Variants in COL19A1 observed in about 807,000 individuals in gnomAD.
COL19A1 encodes collagen type XIX alpha 1 chain.
In COL19A1, 159 loss-of-function variants were observed where a neutral mutation model predicts 190.2. The observed-to-expected ratio is 0.84, with a 90% CI of 0.73 to 0.95. The LOEUF (loss-of-function observed/expected upper bound fraction) is 0.95, where lower values mean the gene tolerates loss of function less well. Ranked by LOEUF, COL19A1 falls within the 40% of genes least tolerant of loss-of-function variation. COL19A1 has a pLI of 0.00. For synonymous variants in COL19A1, 509 were observed against 458.9 expected (o/e 1.11, Z -1.39); for missense variants, 1,418 against 1,431.9 (o/e 0.99, Z 0.16).
At chr6:69,902,852 T>A (rs1313164523) in intron 4 of COL19A1, among the ~76,000 whole-genome samples, 1 of 152,194 alleles carries the variant, frequency 6.6e-6, no homozygotes. Flanking sequence ...TAGCCAACCA[T>A]CTACGGTGAG....
At chr6:69,988,928 T>C (rs1321035793) in intron 11 of COL19A1, among the ~76,000 whole-genome samples, 1 of 152,222 alleles carries the variant, frequency 6.6e-6, no homozygotes, top group Non-Finnish European at 1.5e-5. Context: ...TTCCTGCATT[T>C]GCTCTTTTCT....
intron 15 of COL19A1, among the ~76,000 whole-genome samples, chr6:70,093,666 A>C (rs1286716966): frequency 6.6e-6 from 1 of 152,192 alleles, no homozygotes; most frequent in Non-Finnish European, 1.5e-5. Context: ...AGAAGCTCAA[A>C]AATTATAACA....
chr6:70,009,017 G>A (rs537312897), intron 11 of COL19A1, among the ~76,000 whole-genome samples: 5 of 151,948 alleles, frequency 3.3e-5, no homozygotes, highest in African/African-American at 9.7e-5. Flanking sequence ...ACTCTGATAA[G>A]AGGGATTTGT....
At chr6:70,031,686 C>T (rs1019582002) in intron 12 of COL19A1, among the ~76,000 whole-genome samples, 1 of 152,124 alleles carries the variant, frequency 6.6e-6, no homozygotes, top group African/African-American at 2.4e-5. Flanking sequence ...ATATATAACA[C>T]CTTTTCTTTA....
chr6:70,104,386 G>A (rs1251228394), intron 16 of COL19A1, among the ~76,000 whole-genome samples: 1 of 152,162 alleles, frequency 6.6e-6, no homozygotes, highest in Non-Finnish European at 1.5e-5. Context: ...CATGGCAGCA[G>A]GAAAGAGCGA....
intron 12 of COL19A1, among the ~76,000 whole-genome samples, chr6:70,025,381 T>A (rs1778679783): frequency 6.6e-6 from 1 of 152,226 alleles, no homozygotes; most frequent in African/African-American, 2.4e-5. Context: ...TATGATTTTA[T>A]GCAAAGAGTT....
intron 1 of COL19A1, among the ~76,000 whole-genome samples, chr6:69,871,213 C>A (rs1767802492): frequency 6.6e-6 from 1 of 152,132 alleles, no homozygotes; most frequent in South Asian, 2.1e-4. Context: ...AGCTGGTTTT[C>A]TCTAATAGTT....
chr6:70,114,402 A>C lies in COL19A1; in HGVS notation c.1279-7478A>C, dbSNP rs553994613. 2.0e-5 allele frequency among the ~76,000 whole-genome samples: 3 copies of C among 152,290 alleles called. No individual in the cohort carries two copies. The South Asian group carries it at 6.2e-4, about 32-fold the overall frequency. ...AGTTGAAACCTAGCTCTTGTCTACT[A>C]TTTATATGACCTTGAGTCAGATATT... is the stretch of plus-strand genomic sequence containing the variant. On this transcript the variant is annotated intron_variant, in intron 16 of 50. Coordinates refer to ENST00000620364, the MANE Select transcript of COL19A1 (RefSeq NM_001858.6).
chr6:69,929,761 T>A (rs1772634080), intron 6 of COL19A1, 61 bp downstream of exon 6: 2 of 1,445,874 alleles, frequency 1.4e-6, no homozygotes, highest in Non-Finnish European at 1.9e-6. Context: ...AAAAATCTTA[T>A]TAAAAACATT....
intron 12 of COL19A1, among the ~76,000 whole-genome samples, chr6:70,025,805 G>A (rs922993940): frequency 4.6e-5 from 7 of 152,210 alleles, no homozygotes; most frequent in African/African-American, 1.2e-4. Context: ...TAAAATATAA[G>A]TAATTAGAGT....
chr6:70,067,704 G>C (rs573907132), intron 14 of COL19A1, among the ~76,000 whole-genome samples: 1 of 152,186 alleles, frequency 6.6e-6, no homozygotes, highest in Admixed American at 6.6e-5. Flanking sequence ...TTTAATGGTT[G>C]ATTAGGGAAG....
intron 4 of COL19A1, among the ~76,000 whole-genome samples, chr6:69,917,645 G>A (rs1007095823): frequency 6.6e-6 from 1 of 152,106 alleles, no homozygotes; most frequent in Non-Finnish European, 1.5e-5. Context: ...TGGTGACTAG[G>A]GTGAGGACAA....
intron 48 of COL19A1, among the ~76,000 whole-genome samples, chr6:70,195,147 A>G (rs1488640247): frequency 6.8e-6 from 1 of 147,342 alleles, no homozygotes; most frequent in African/African-American, 2.5e-5. Context: ...ATATATATAT[A>G]TATATATATA....
At chr6:69,953,270 A>G (rs1562029967) in intron 9 of COL19A1, among the ~76,000 whole-genome samples, 1 of 152,008 alleles carries the variant, frequency 6.6e-6, no homozygotes, top group African/African-American at 2.4e-5. Context: ...TATCTGTGTA[A>G]TTTAGAAAAT....
At chr6:69,891,140 C>T (rs182174796) in intron 2 of COL19A1, 25 of 168,378 alleles carry the variant, frequency 1.5e-4, no homozygotes, top group Admixed American at 2.8e-4. Flanking sequence ...ATAAGGACAG[C>T]TCAAAAATTC....
At chr6:70,152,934 C>G (rs1787164855) in intron 31 of COL19A1, among the ~76,000 whole-genome samples, 1 of 152,120 alleles carries the variant, frequency 6.6e-6, no homozygotes, top group Non-Finnish European at 1.5e-5. Context: ...TGAATAGGCT[C>G]TGACGGGAAG....
At chr6:70,044,952 A>C (rs1779827497) in intron 14 of COL19A1, among the ~76,000 whole-genome samples, 1 of 151,944 alleles carries the variant, frequency 6.6e-6, no homozygotes, top group South Asian at 2.1e-4. Context: ...CTCTGCTGTT[A>C]TTTCCTATCT....
chr6:70,126,287 C>A (rs749117861), intron 17 of COL19A1, among the ~76,000 whole-genome samples: 6 of 152,106 alleles, frequency 3.9e-5, no homozygotes, highest in African/African-American at 1.4e-4. Flanking sequence ...CAAGGCCTTT[C>A]CAAGCAGTGA....
intron 36 of COL19A1, among the ~76,000 whole-genome samples, 155 bp downstream of exon 36, chr6:70,163,551 A>C (rs915000790): frequency 2.0e-5 from 3 of 152,222 alleles, no homozygotes; most frequent in African/African-American, 7.2e-5. Flanking sequence ...GGAAGAACAC[A>C]GGTCCAAAGG....
Sources: gnomAD v4.1 joint callset for allele counts (sites outside exome capture counted in the v4.1 genomes callset) on GRCh38, gnomAD v4.1.1 for gene constraint, MANE v1.5 for transcripts, NCBI Gene and HGNC (gene_info 2026-07-23, HGNC 2026-07-21) for gene names.